The following RDH11 variants were observed in gnomAD, a reference collection of about 807,000 sequenced individuals.
RDH11 encodes retinol dehydrogenase 11, also known as HCV core-binding protein HCBP12.
A neutral mutation model predicts 33.4 loss-of-function variants in RDH11; 19 were observed. The observed-to-expected ratio is 0.57, with a 90% CI of 0.40 to 0.83. The LOEUF (loss-of-function observed/expected upper bound fraction) is 0.83, where lower values mean the gene tolerates loss of function less well. Ranked by LOEUF, RDH11 falls within the 40% of genes least tolerant of loss-of-function variation. RDH11 has a pLI of 0.00. For synonymous variants in RDH11, 154 were observed against 155.3 expected (o/e 0.99, Z 0.06); for missense variants, 353 against 389.0 (o/e 0.91, Z 0.78).
At chr14:67,692,021 AG>A (rs143447292) in intron 3 of RDH11, 4,128 of 156,770 alleles carry the variant, frequency 0.026, 164 homozygotes, top group East Asian at 0.091. Flanking sequence ...GCTGGTGGCC[AG>A]GATTTTTATT....
At position 67,686,995 on chromosome 14, in the gene RDH11, A is replaced by G. The variant is rs2037686495; in HGVS notation, c.665-1791T>C. Among the ~76,000 whole-genome samples the G allele has an allele frequency of 3.3e-5, 5 of 152,260 alleles. No individual in the cohort carries two copies. In the South Asian group the frequency reaches 1.0e-3, roughly 32 times the overall value. ...AGTAATGCAGACTCAGAGGTCCCAA[A>G]TTGATTTCTACTTTTAAAGCCAAAC... On this transcript the variant is annotated intron_variant, in intron 5 of 6. Coordinates refer to ENST00000381346, the MANE Select transcript of RDH11 (RefSeq NM_016026.4).
Position 67,678,407 on chromosome 14 carries a change from A to G in RDH11, c.871T>C (p.Trp291Arg). Residue 291 changes from tryptophan (W) to arginine (R), a missense_variant, in exon 7 of 7, where the codon TGG becomes CGG. By Grantham distance (101) the Trp-to-Arg change is moderately radical (BLOSUM62 -3). Coordinates refer to ENST00000381346, the MANE Select transcript of RDH11 (RefSeq NM_016026.4). Reference sequence around the variant, plus strand: ...TCATTACGAGCTTGGGCAGAGACCCATGCCACATGACAGTCACTGGAAGGT... The same window carrying G: ...TCATTACGAGCTTGGGCAGAGACCCGTGCCACATGACAGTCACTGGAAGGT... ...GNHFSDCHVAWVSAQARNETI... is the reference protein window; with the variant it reads ...GNHFSDCHVARVSAQARNETI... 8 of 1,613,516 alleles carry G rather than the reference A, an allele frequency of 5.0e-6. No homozygotes were observed. Among genetic ancestry groups the G allele is most frequent in the African/African-American group, 1.3e-5 (1 of 75,024 alleles).
intron 6 of RDH11, 84 bp from the exon 7 acceptor site, chr14:67,678,507 A>G: frequency 1.2e-6 from 1 of 835,228 alleles, no homozygotes; most frequent in East Asian, 2.5e-5. Context: ...TGACATAAAA[A>G]CAACTAGGGA....
rs780620467 is a variant in RDH11 at position 67,695,629 on chromosome 14, C to G, written c.74+1G>C. ...AGAGAAGGCAATACATTTGCACAGA[C>G]CTGATTTGGGGCGCAGCCATATACA... On this transcript the variant is annotated splice_donor_variant, in intron 1 of 6. Transcript: ENST00000381346. LOFTEE classifies it high-confidence loss of function. 3 of 1,613,896 alleles carry G rather than the reference C, an allele frequency of 1.9e-6. No homozygotes were observed. Among genetic ancestry groups the G allele is most frequent in the Non-Finnish European group, 2.5e-6 (3 of 1,179,830 alleles).
At chr14:67,694,449 T>TAC (rs551336508) in intron 1 of RDH11, among the ~76,000 whole-genome samples, 14,919 of 145,706 alleles carry the variant, frequency 0.1, 749 homozygotes, top group Admixed American at 0.12. Flanking sequence ...TATATATATA[T>TAC]ATACACACAC....
intron 6 of RDH11, among the ~76,000 whole-genome samples, chr14:67,682,834 C>T (rs944872596): frequency 1.1e-4 from 17 of 152,122 alleles, no homozygotes; most frequent in African/African-American, 4.1e-4. Context: ...ACCCAAATGC[C>T]CATCACCTGA....
chr14:67,694,374 A>C (rs1182513494), intron 1 of RDH11, among the ~76,000 whole-genome samples: 1 of 151,720 alleles, frequency 6.6e-6, no homozygotes, highest in African/African-American at 2.4e-5. Flanking sequence ...ACAACTATAA[A>C]AGTCCAGCTC....
At chr14:67,684,170 G>C (rs1566826064) in intron 6 of RDH11, among the ~76,000 whole-genome samples, 1 of 152,088 alleles carries the variant, frequency 6.6e-6, no homozygotes, top group Non-Finnish European at 1.5e-5. Context: ...AACAACTCTG[G>C]GGCTCCTCCA....
Position 67,691,145 on chromosome 14 carries a change from T to G in RDH11, c.449A>C (p.His150Pro), listed in dbSNP as rs1312404337. ...GATAAGGCCAGATTTCTTACCCAAG[T>G]GGTTGACTCCTATGTGCATCTCAAA... The part of the protein sequence containing the change: ...DGFEMHIGVN[H>P]LGHFLLTHLL... Residue 150 changes from histidine (H) to proline (P), a missense_variant, in exon 4 of 7, where the codon CAC (histidine) becomes CCC (proline). Transcript: ENST00000381346. 6.2e-7 allele frequency: 1 copy of G among 1,610,260 alleles called. No homozygotes were observed. The highest frequency in any genetic ancestry group is 1.1e-5 in the South Asian group (1 of 91,012).
chr14:67,686,780 G>A (rs1326731140), intron 5 of RDH11, among the ~76,000 whole-genome samples: 1 of 152,118 alleles, frequency 6.6e-6, no homozygotes, highest in Non-Finnish European at 1.5e-5. Flanking sequence ...TTGTAGAAAG[G>A]TAATATGAAA....
intron 5 of RDH11, among the ~76,000 whole-genome samples, 183 bp from the exon 6 acceptor site, chr14:67,685,387 A>G (rs1234668854): frequency 6.6e-6 from 1 of 152,214 alleles, no homozygotes; most frequent in African/African-American, 2.4e-5. Flanking sequence ...AAGGCTCTAG[A>G]GTAGACAGTG....
At chr14:67,683,105 A>G (rs535347469) in intron 6 of RDH11, among the ~76,000 whole-genome samples, 22 of 152,346 alleles carry the variant, frequency 1.4e-4, no homozygotes, top group Admixed American at 9.2e-4. Flanking sequence ...TAAGGCTTCA[A>G]TCAAAAGACT....
At chr14:67,679,327 A>C (rs1471088161) in intron 6 of RDH11, among the ~76,000 whole-genome samples, 2 of 152,108 alleles carry the variant, frequency 1.3e-5, no homozygotes, top group African/African-American at 4.8e-5. Context: ...TTTCCAACAT[A>C]TGAACCTTGA....
intron 1 of RDH11, 41 bp from the exon 2 acceptor site, chr14:67,693,093 C>T (rs1278339922): frequency 7.0e-7 from 1 of 1,421,126 alleles, no homozygotes; most frequent in Non-Finnish European, 9.8e-7. Context: ...CTTCATTCTA[C>T]TGTCTCAGCC....
intron 5 of RDH11, among the ~76,000 whole-genome samples, chr14:67,686,822 C>T (rs1294550515): frequency 6.6e-6 from 1 of 152,078 alleles, no homozygotes; most frequent in Non-Finnish European, 1.5e-5. Context: ...AATCTAATCT[C>T]CCTAGTACAG....
Position 67,692,419 on chromosome 14 carries a change from T to C in RDH11, c.349+19A>G, listed in dbSNP as rs1193021644. The C allele has an allele frequency of 1.9e-6, 3 of 1,613,104 alleles. No individual in the cohort carries two copies. Among genetic ancestry groups the C allele is most frequent in the South Asian group, 2.2e-5 (2 of 90,942 alleles). The stretch of plus-strand genomic sequence containing the variant: ...TGACCTCAAGACCCACAACATAGTC[T>C]CTCTAGTTCTACACTTACCAGCTAA... On this transcript the variant is annotated intron_variant, in intron 3 of 6. Transcript: ENST00000381346.
chr14:67,695,305 G>A (rs2037816025), intron 1 of RDH11, among the ~76,000 whole-genome samples: 1 of 152,186 alleles, frequency 6.6e-6, no homozygotes, highest in Non-Finnish European at 1.5e-5. Flanking sequence ...ATATCCCATT[G>A]AAGAGTCCGA....
chr14:67,695,541 T>G, intron 1 of RDH11, 89 bp downstream of exon 1: 7 of 1,336,366 alleles, frequency 5.2e-6, no homozygotes, highest in South Asian at 1.4e-5. Flanking sequence ...CCCAGGGGAG[T>G]TTTCCAAGAA....
At chr14:67,693,723 A>G (rs1256245274) in intron 1 of RDH11, among the ~76,000 whole-genome samples, 2 of 145,292 alleles carry the variant, frequency 1.4e-5, no homozygotes, top group Non-Finnish European at 3.0e-5. Flanking sequence ...ATCTCGGCTC[A>G]CTGCAACCTC....
Sources: allele counts gnomAD v4.1 joint callset (sites outside exome capture counted in the v4.1 genomes callset), GRCh38; gene constraint gnomAD v4.1.1; transcripts MANE v1.5; gene names NCBI Gene and HGNC (gene_info 2026-07-23, HGNC 2026-07-21).